RBM6: variants seen among roughly 807,000 people sequenced by gnomAD.
RBM6 encodes RNA-binding protein 6.
Under a neutral mutation model 140.4 loss-of-function variants are expected in RBM6, and 23 were observed. The observed-to-expected ratio is 0.16, with a 90% confidence interval of 0.12 to 0.23. The LOEUF is 0.23. Among genes scored for constraint, RBM6 ranks in the 10% least tolerant of loss-of-function variants. The probability of loss-of-function intolerance (pLI) is 1.00; values close to 1 mark genes in which losing one functional copy is unlikely to be tolerated. For synonymous variants in RBM6, 439 were observed against 475.6 expected (o/e 0.92, Z 1.00); for missense variants, 1,139 against 1,386.7 (o/e 0.82, Z 2.84).
At chr3:50,064,002 C>T (rs935120587) in intron 15 of RBM6, among the ~76,000 whole-genome samples, 4 of 151,840 alleles carry the variant, frequency 2.6e-5, no homozygotes, top group African/African-American at 4.8e-5. Flanking sequence ...TGATCTATCT[C>T]GGCTCACTGC....
At chr3:50,004,768 G>A (rs1251635103) in intron 6 of RBM6, among the ~76,000 whole-genome samples, 1 of 151,934 alleles carries the variant, frequency 6.6e-6, no homozygotes, top group Non-Finnish European at 1.5e-5. Flanking sequence ...ACAGGCACCT[G>A]CCACCATGTT....
At chr3:50,066,126 TG>T in intron 16 of RBM6, 115 bp from the exon 17 acceptor site, 1 of 1,147,678 alleles carries the variant, frequency 8.7e-7, no homozygotes, top group Non-Finnish European at 1.2e-6. Context: ...GCATGGCTAG[TG>T]AGTTTATTTT....
At chr3:50,060,912 C>T in intron 11 of RBM6, 44 bp from the exon 12 acceptor site, 13 of 1,519,594 alleles carry the variant, frequency 8.6e-6, no homozygotes, top group South Asian at 1.3e-5. Flanking sequence ...TCGTCAAATG[C>T]CACTTGGTAG....
chr3:49,993,444 C>A lies in RBM6; in HGVS notation c.1484-5996C>A, dbSNP rs2085921747. On this transcript the variant is annotated intron_variant, in intron 5 of 20. Coordinates refer to ENST00000266022, the MANE Select transcript of RBM6 (RefSeq NM_005777.3). ...ATAACTCGAGGTTAGGAGTTTAAGA[C>A]CAGTCTGGCCATCATGATGAAACCC... Among the ~76,000 whole-genome samples the A allele has an allele frequency of 2.0e-5, 3 of 152,252 alleles. No individual in the cohort carries two copies. In the South Asian group the frequency reaches 6.2e-4, roughly 32 times the overall value.
At chr3:50,003,730 T>A (rs1024702619) in intron 6 of RBM6, among the ~76,000 whole-genome samples, 12 of 152,206 alleles carry the variant, frequency 7.9e-5, no homozygotes, top group Non-Finnish European at 1.5e-4. Flanking sequence ...GTGGCTGTGG[T>A]GACCGATCAG....
intron 6 of RBM6, among the ~76,000 whole-genome samples, chr3:50,019,814 C>A (rs751232813): frequency 1.3e-5 from 2 of 151,224 alleles, no homozygotes; most frequent in East Asian, 1.9e-4. Flanking sequence ...TTTTTTAAAT[C>A]ATGAAAGGGG....
chr3:50,013,691 G>A (rs1021660100), intron 6 of RBM6, among the ~76,000 whole-genome samples: 1 of 152,116 alleles, frequency 6.6e-6, no homozygotes, highest in Non-Finnish European at 1.5e-5. Flanking sequence ...ATGAGACAGC[G>A]GGCATTTGGA....
rs112918087 is a variant in RBM6 at position 50,044,998 on chromosome 3, C to G, written c.1558-3247C>G. Among the ~76,000 whole-genome samples the G allele has an allele frequency of 5.3e-5, 8 of 152,294 alleles. 2 individuals carry two copies. The highest frequency in any genetic ancestry group is 1.7e-4 in the African/African-American group (7 of 41,552). Reference sequence around the variant, plus strand: ...TTTAGCAGTGGTCACTGTCCTATGTCTAACTATGTGCAGGTTGAGAAAAAG... The same window carrying G: ...TTTAGCAGTGGTCACTGTCCTATGTGTAACTATGTGCAGGTTGAGAAAAAG... On this transcript the variant is annotated intron_variant, in intron 6 of 20. Coordinates refer to ENST00000266022, the MANE Select transcript of RBM6 (RefSeq NM_005777.3).
chr3:49,948,784 G>A lies in RBM6; in HGVS notation c.-67+8559G>A, dbSNP rs370906812. 1.1e-4 allele frequency among the ~76,000 whole-genome samples: 17 copies of A among 148,414 alleles called. No homozygotes were observed. In the East Asian group the frequency reaches 2.4e-3, roughly 21 times the overall value. On this transcript the variant is annotated intron_variant, in intron 1 of 20. Transcript: ENST00000266022. ...TTGCAGTGAGCTGAGATTGCACCCT[G>A]CACTCCAGCCTGGGCAACAGAGTGA...
chr3:49,987,388 T>G (rs2085611576), intron 5 of RBM6, among the ~76,000 whole-genome samples: 1 of 152,090 alleles, frequency 6.6e-6, no homozygotes, highest in Admixed American at 6.6e-5. Flanking sequence ...TGATCTTGGC[T>G]CATTGCAACC....
At chr3:49,998,009 C>A (rs1171060436) in intron 5 of RBM6, among the ~76,000 whole-genome samples, 1 of 152,156 alleles carries the variant, frequency 6.6e-6, no homozygotes, top group Non-Finnish European at 1.5e-5. Flanking sequence ...TATTTCTCAT[C>A]CTACAGTAGT....
At chr3:49,940,564 CTTGCGGTTT>C (rs1019847095) in intron 1 of RBM6, 23 of 155,662 alleles carry the variant, frequency 1.5e-4, no homozygotes, top group African/African-American at 5.5e-4. Context: ...GCGGGCTGTT[CTTGCGGTTT>C]TCCTGTTTCA....
chr3:49,973,165 G>A (rs2084883166), intron 4 of RBM6, among the ~76,000 whole-genome samples: 1 of 152,094 alleles, frequency 6.6e-6, no homozygotes, highest in African/African-American at 2.4e-5. Flanking sequence ...GTCTCACTTT[G>A]TTGCCCAGGC....
chr3:50,064,153 G>A (rs1296252805), intron 15 of RBM6, among the ~76,000 whole-genome samples: 1 of 151,908 alleles, frequency 6.6e-6, no homozygotes, highest in Non-Finnish European at 1.5e-5. Context: ...AGCTGGTCTC[G>A]AACTCCTGAC....
chr3:50,045,352 T>C (rs796781840), intron 6 of RBM6, among the ~76,000 whole-genome samples: 3 of 152,292 alleles, frequency 2.0e-5, no homozygotes, highest in South Asian at 4.1e-4. Context: ...AGATGTATGC[T>C]CTAACAGCAG....
chr3:49,945,375 C>T (rs750853050), intron 1 of RBM6, among the ~76,000 whole-genome samples: 14 of 151,820 alleles, frequency 9.2e-5, no homozygotes, highest in South Asian at 4.2e-4. Context: ...TGTGGGATTT[C>T]GCTAGGTTGC....
intron 9 of RBM6, 37 bp downstream of exon 9, chr3:50,058,040 C>T (rs1349722176): frequency 1.3e-6 from 2 of 1,598,816 alleles, no homozygotes; most frequent in African/African-American, 2.7e-5. Context: ...AGACTGTGAT[C>T]ATCACAATGG....
chr3:49,948,628 C>T (rs1454850650), intron 1 of RBM6, among the ~76,000 whole-genome samples: 1 of 151,036 alleles, frequency 6.6e-6, no homozygotes, highest in Non-Finnish European at 1.5e-5. Flanking sequence ...AGGAGGATCA[C>T]TTGAACCCAG....
Position 50,061,958 on chromosome 3 carries a change from G to T in RBM6, c.2440-4G>T. On this transcript the variant is annotated splice_polypyrimidine_tract_variant and splice_region_variant and intron_variant, in intron 14 of 20. Transcript: ENST00000266022. ...AGACTTACTTGTTTCCAACTGTATC[G>T]CAGCAAGAAGTCTATGTGCCCCAGG... 6.2e-7 allele frequency: 1 copy of T among 1,611,796 alleles called. No homozygotes were observed. Among genetic ancestry groups the T allele is most frequent in the Non-Finnish European group, 8.5e-7 (1 of 1,179,354 alleles).
Sources: allele counts gnomAD v4.1 joint callset (sites outside exome capture counted in the v4.1 genomes callset), GRCh38; gene constraint gnomAD v4.1.1; transcripts MANE v1.5; gene names NCBI Gene and HGNC (gene_info 2026-07-23, HGNC 2026-07-21).